The following DNAH5 variants were observed in gnomAD, a reference collection of about 807,000 sequenced individuals.
The protein encoded by DNAH5 is axonemal beta dynein heavy chain 5.
Under a neutral mutation model 518.2 loss-of-function variants are expected in DNAH5, and 372 were observed. That is an observed-to-expected ratio of 0.72 (90% CI 0.66 to 0.78). The LOEUF (loss-of-function observed/expected upper bound fraction) is 0.78, where lower values mean the gene tolerates loss of function less well. Among genes scored for constraint, DNAH5 ranks in the 30% least tolerant of loss-of-function variants. The pLI, the probability that DNAH5 is intolerant of heterozygous loss-of-function variation, is 0.00. For synonymous variants in DNAH5, 2,039 were observed against 2,025.9 expected, an observed-to-expected ratio of 1.01 and a Z score of -0.17; for missense variants, 5,523 against 5,687.0, an observed-to-expected ratio of 0.97 and a Z score of 0.93.
chr5:13,723,160 A>G (rs920515714), intron 70 of DNAH5, among the ~76,000 whole-genome samples: 2 of 152,218 alleles, frequency 1.3e-5, no homozygotes, highest in Non-Finnish European at 2.9e-5. Flanking sequence ...GACAGATCCA[A>G]TATCTAAATC....
At chr5:13,868,095 G>A in intron 24 of DNAH5, 103 bp from the exon 25 acceptor site, 4 of 913,434 alleles carry the variant, frequency 4.4e-6, no homozygotes, top group South Asian at 4.3e-5. Flanking sequence ...GAATAATAGT[G>A]AAACTACCCT....
chr5:13,983,790 G>A (rs898767224), intron 1 of DNAH5, among the ~76,000 whole-genome samples: 2 of 152,164 alleles, frequency 1.3e-5, no homozygotes, highest in African/African-American at 2.4e-5. Flanking sequence ...GGCAATCAGC[G>A]AAGGTTTTGT....
intron 25 of DNAH5, among the ~76,000 whole-genome samples, chr5:13,867,220 T>C (rs958601030): frequency 2.0e-4 from 30 of 152,334 alleles, no homozygotes; most frequent in African/African-American, 6.5e-4. Context: ...CCGATTTGGT[T>C]AGGCTTTCCA....
intron 35 of DNAH5, among the ~76,000 whole-genome samples, chr5:13,837,354 C>T (rs747136452): frequency 7.2e-5 from 11 of 152,014 alleles, no homozygotes; most frequent in African/African-American, 2.2e-4. Flanking sequence ...CGGTAGGGTT[C>T]GCTGGGTAGA....
rs1160211865 is a variant in DNAH5, at chr5:13,793,988, G to A, written c.7958C>T (p.Thr2653Ile). 1.2e-6 allele frequency: 2 copies of A among 1,613,788 alleles called. No homozygotes were observed. Among genetic ancestry groups the A allele is most frequent in the Non-Finnish European group, 1.7e-6 (2 of 1,179,952 alleles). ...CATATTCACATCATCAATAAAAACA[G>A]TCATCTTCTTTCCCGCAGGAGGGCC... ...TYGPPAGKKM[T>I]VFIDDVNMPI... Residue 2653 changes from threonine (T) to isoleucine (I), a missense_variant, in exon 48 of 79, where the codon ACT (threonine) becomes ATT (isoleucine). Coordinates refer to ENST00000265104, the MANE Select transcript of DNAH5 (RefSeq NM_001369.3).
Position 13,811,686 on chromosome 5 carries a change from T to C in DNAH5, c.7368A>G (p.Thr2456=), listed in dbSNP as rs1217175160. 6.2e-7 allele frequency: 1 copy of C among 1,614,064 alleles called. No individual in the cohort carries two copies. The highest frequency in any genetic ancestry group is 1.3e-5 in the African/African-American group (1 of 74,948). ...KMEVLEAFVI[T]QSINMLQGLI... ...GGCCTTGAAGCATGTTAATGCTCTG[T>C]GTGATGACAAAGGCCTCCAGCACCT... The change falls in exon 44 of 79, where the codon ACA becomes ACG. Residue 2456 remains threonine, a synonymous_variant. Coordinates refer to ENST00000265104, the MANE Select transcript of DNAH5 (RefSeq NM_001369.3).
intron 1 of DNAH5, among the ~76,000 whole-genome samples, chr5:13,987,375 T>A (rs542825837): frequency 5.9e-5 from 9 of 152,084 alleles, no homozygotes; most frequent in Non-Finnish European, 1.2e-4. Flanking sequence ...AAATGTAATA[T>A]ATACTAAATT....
chr5:13,920,307 C>G (rs1302321263), intron 6 of DNAH5, among the ~76,000 whole-genome samples, 173 bp downstream of exon 6: 1 of 152,218 alleles, frequency 6.6e-6, no homozygotes, highest in Non-Finnish European at 1.5e-5. Flanking sequence ...AGAATTCTTA[C>G]TACCTCTTCT....
intron 1 of DNAH5, among the ~76,000 whole-genome samples, chr5:13,936,379 A>T (rs1778924726): frequency 6.6e-6 from 1 of 152,198 alleles, no homozygotes; most frequent in South Asian, 2.1e-4. Context: ...AAGCTCAGTG[A>T]CTGTCTCAAA....
In DNAH5 at chr5:13,794,064, A is replaced by G. The variant is rs763546052; in HGVS notation, c.7888-6T>C. On this transcript the variant is annotated splice_polypyrimidine_tract_variant and splice_region_variant and intron_variant, in intron 47 of 78. Coordinates refer to ENST00000265104, the MANE Select transcript of DNAH5 (RefSeq NM_001369.3). The stretch of plus-strand genomic sequence containing the variant: ...ACATAGCTCTCTATCGTCCTCTGTG[A>G]AAAAAAAATCAACTGAAACATCTGT... 30 of 1,608,988 alleles carry G rather than the reference A, an allele frequency of 1.9e-5. 1 individual carries two copies. In the South Asian group the frequency reaches 3.3e-4, roughly 18 times the overall value.
chr5:13,923,980 A>T (rs1209985543), intron 3 of DNAH5, among the ~76,000 whole-genome samples: 4 of 150,188 alleles, frequency 2.7e-5, no homozygotes, highest in Non-Finnish European at 4.4e-5. Flanking sequence ...CAGGAGGCGG[A>T]GGTTGCAGTG....
At chr5:13,759,548 T>G (rs1561191741) in intron 60 of DNAH5, among the ~76,000 whole-genome samples, 1 of 152,196 alleles carries the variant, frequency 6.6e-6, no homozygotes, top group Non-Finnish European at 1.5e-5. Flanking sequence ...AATATCTACG[T>G]TTTGTGTATC....
chr5:13,875,907 G>C (rs1380512452), intron 22 of DNAH5, among the ~76,000 whole-genome samples: 4 of 152,152 alleles, frequency 2.6e-5, no homozygotes, highest in African/African-American at 9.7e-5. Context: ...GCTTTTCAGA[G>C]TGCTTTCAAA....
At chr5:13,709,902 A>G (rs1307878783) in intron 75 of DNAH5, among the ~76,000 whole-genome samples, 2 of 152,182 alleles carry the variant, frequency 1.3e-5, no homozygotes, top group African/African-American at 2.4e-5. Context: ...GACAAACGGC[A>G]TATAATCTTG....
At chr5:13,744,372 T>C (rs1749041133) in intron 65 of DNAH5, among the ~76,000 whole-genome samples, 1 of 151,928 alleles carries the variant, frequency 6.6e-6, no homozygotes, top group Non-Finnish European at 1.5e-5. Flanking sequence ...AGAGATTTGT[T>C]AAGATACAAA....
rs1744656576 is a variant in DNAH5, at chr5:13,718,852, C to T, written c.12499+30G>A. On this transcript the variant is annotated intron_variant, in intron 72 of 78. Transcript: ENST00000265104. ...GAAAACAATTTAAGTAAGGAAACTCCTGTAGACTCGCAAGTATTTCTGGAC... is the reference window on the plus strand; with the variant it reads ...GAAAACAATTTAAGTAAGGAAACTCTTGTAGACTCGCAAGTATTTCTGGAC... 3 of 1,557,822 alleles carry T rather than the reference C, an allele frequency of 1.9e-6. No individual in the cohort carries two copies. The African/African-American group carries it at 4.1e-5, about 21-fold the overall frequency.
chr5:13,807,464 T>A (rs1759794102), intron 47 of DNAH5, 127 bp downstream of exon 47: 1 of 833,334 alleles, frequency 1.2e-6, no homozygotes. Context: ...ATGGAAGACG[T>A]ACGTGGGTGA....
chr5:13,737,183 A>T, intron 66 of DNAH5, 69 bp downstream of exon 66: 1 of 1,601,526 alleles, frequency 6.2e-7, no homozygotes. Context: ...ACATCCTTCC[A>T]TTTCTCTAAT....
intron 66 of DNAH5, among the ~76,000 whole-genome samples, chr5:13,736,702 T>C (rs1056509992): frequency 2.0e-5 from 3 of 152,122 alleles, no homozygotes; most frequent in African/African-American, 2.4e-5. Flanking sequence ...GCTGGGATTA[T>C]AGTCATGAGC....
Sources: gnomAD v4.1 joint callset for allele counts (sites outside exome capture counted in the v4.1 genomes callset) on GRCh38, gnomAD v4.1.1 for gene constraint, MANE v1.5 for transcripts, NCBI Gene and HGNC (gene_info 2026-07-23, HGNC 2026-07-21) for gene names.